ST18: variants seen among roughly 807,000 people sequenced by gnomAD.
The protein encoded by ST18 is suppression of tumorigenicity 18 protein.
In ST18, 50 loss-of-function variants were observed where a neutral mutation model predicts 110.0. The ratio of observed to expected loss-of-function variants is 0.45; its 90% CI spans 0.36 to 0.58. The LOEUF is 0.58. ST18 is among the 20% of genes least tolerant of loss of function. The pLI, the probability that ST18 is intolerant of heterozygous loss-of-function variation, is 0.00. For synonymous variants in ST18, 461 were observed against 452.4 expected (o/e 1.02, Z -0.24); for missense variants, 1,306 against 1,280.1 (o/e 1.02, Z -0.31).
intron 8 of ST18, among the ~76,000 whole-genome samples, chr8:52,191,183 A>G (rs1394646894): frequency 1.3e-5 from 2 of 152,214 alleles, no homozygotes; most frequent in Admixed American, 1.3e-4. Flanking sequence ...GTTTAGAGGT[A>G]TCTGTGCTCA....
chr8:52,224,509 C>G (rs2088440709), intron 3 of ST18, among the ~76,000 whole-genome samples: 1 of 152,118 alleles, frequency 6.6e-6, no homozygotes, highest in South Asian at 2.1e-4. Flanking sequence ...CAAAGACAAA[C>G]ACTCTTCATT....
At position 52,171,885 on chromosome 8, in the gene ST18, C is replaced by T. The variant is rs1385298422; in HGVS notation, c.976G>A (p.Glu326Lys). Reference protein sequence around the residue: ...RGCVFHNTYKELDRFLLEHLA... With the variant: ...RGCVFHNTYKKLDRFLLEHLA... ...TGCTCCAGCAGGAACCTATCCAGCT[C>T]TTTGTAGGTGTTATGGAAAACACAA... The change falls in exon 10 of 26, where the codon GAG becomes AAG. Residue 326 changes from glutamate (E) to lysine (K), a missense_variant. Glu to Lys is a moderately conservative substitution (Grantham distance 56). Transcript: ENST00000689386. 2.5e-6 allele frequency: 4 copies of T among 1,614,104 alleles called. No individual in the cohort carries two copies. The highest frequency in any genetic ancestry group is 2.7e-5 in the African/African-American group (2 of 74,932).
chr8:52,330,751 C>T (rs1808893363), intron 2 of ST18, among the ~76,000 whole-genome samples: 3 of 152,202 alleles, frequency 2.0e-5, no homozygotes, highest in Admixed American at 1.3e-4. Context: ...CTTTACCTTA[C>T]GTGAACACTG....
chr8:52,342,315 C>A (rs1342301571), intron 2 of ST18, among the ~76,000 whole-genome samples: 1 of 151,742 alleles, frequency 6.6e-6, no homozygotes, highest in Admixed American at 6.6e-5. Context: ...AAAAATGAAG[C>A]CAAAAGAAAG....
chr8:52,374,021 C>A lies in ST18; in HGVS notation c.-465+35307G>T, dbSNP rs138051995. Among the ~76,000 whole-genome samples, 175 of 152,248 alleles carry A rather than the reference C, an allele frequency of 1.1e-3. 4 individuals carry two copies. In the East Asian group the frequency reaches 0.031, roughly 27 times the overall value. ...CAATTCTCTAATACCTCCTTGCCTG[C>A]CTCTCTCTCAGTGGACTGTCTTGCT... On this transcript the variant is annotated intron_variant, in intron 2 of 25. Coordinates refer to ENST00000689386, the MANE Select transcript of ST18 (RefSeq NM_001352837.2).
At chr8:52,129,133 G>A (rs988019112) in intron 22 of ST18, among the ~76,000 whole-genome samples, 1 of 152,098 alleles carries the variant, frequency 6.6e-6, no homozygotes, top group African/African-American at 2.4e-5. Context: ...CCTACTGCGT[G>A]CCAGGCATAA....
chr8:52,171,533 A>G (rs1453489776), intron 10 of ST18: 2 of 561,656 alleles, frequency 3.6e-6, no homozygotes, highest in Non-Finnish European at 6.6e-6. Context: ...GCATTTATAA[A>G]AAACAGTTAA....
intron 2 of ST18, among the ~76,000 whole-genome samples, chr8:52,391,663 C>A (rs1316998940): frequency 2.0e-5 from 3 of 152,182 alleles, no homozygotes; most frequent in Non-Finnish European, 4.4e-5. Flanking sequence ...AATAGACTGT[C>A]CCCTATAGCC....
intron 8 of ST18, among the ~76,000 whole-genome samples, chr8:52,209,211 A>G (rs1441069541): frequency 6.6e-6 from 1 of 152,192 alleles, no homozygotes; most frequent in African/African-American, 2.4e-5. Flanking sequence ...TGCTTAAATC[A>G]CTTTTTGGTT....
At position 52,161,506 on chromosome 8, in the gene ST18, G is replaced by A. The variant is rs1455297952; in HGVS notation, c.1463C>T (p.Ala488Val). 1 of 1,614,208 alleles carries A rather than the reference G, an allele frequency of 6.2e-7. No homozygotes were observed. Among genetic ancestry groups the A allele is most frequent in the Admixed American group, 1.7e-5 (1 of 60,024 alleles). ...CTTCTCTTGTTCTTTTGACACTGTG[G>A]CTCTGGGAGAGGTGATGGCTTGTGA... ...FPSQAITSPRATVSKEQEKFG... is the reference protein window; with the variant it reads ...FPSQAITSPRVTVSKEQEKFG... Residue 488 changes from alanine to valine, a missense_variant, in exon 14 of 26, where the codon GCC becomes GTC. By Grantham distance (64) the Ala-to-Val change is moderately conservative (BLOSUM62 0). Coordinates refer to ENST00000689386, the MANE Select transcript of ST18 (RefSeq NM_001352837.2).
intron 19 of ST18, 24 bp downstream of exon 19, chr8:52,136,566 G>A (rs2052429099): frequency 1.2e-6 from 2 of 1,600,894 alleles, no homozygotes; most frequent in Admixed American, 1.7e-5. Context: ...TGAAGGGCAA[G>A]CCGGCCACGC....
chr8:52,279,298 G>T (rs2095331293), intron 2 of ST18, among the ~76,000 whole-genome samples: 1 of 152,092 alleles, frequency 6.6e-6, no homozygotes, highest in Non-Finnish European at 1.5e-5. Flanking sequence ...CTTGGTATGT[G>T]TACCTAACAG....
intron 2 of ST18, among the ~76,000 whole-genome samples, chr8:52,354,808 G>A (rs1821946979): frequency 6.6e-6 from 1 of 152,188 alleles, no homozygotes; most frequent in Non-Finnish European, 1.5e-5. Context: ...GCTTTAGACT[G>A]GCCAAGACAG....
At chr8:52,226,700 A>G (rs1363479814) in intron 3 of ST18, among the ~76,000 whole-genome samples, 1 of 152,232 alleles carries the variant, frequency 6.6e-6, no homozygotes. Flanking sequence ...TTGTGTTGCA[A>G]CTAAATGTGC....
At chr8:52,321,597 G>GC (rs1368483857) in intron 2 of ST18, among the ~76,000 whole-genome samples, 1 of 152,172 alleles carries the variant, frequency 6.6e-6, no homozygotes, top group Non-Finnish European at 1.5e-5. Flanking sequence ...AAGGAGAACA[G>GC]CCCGTTGCCT....
At chr8:52,351,055 C>T (rs1021541706) in intron 2 of ST18, among the ~76,000 whole-genome samples, 12 of 152,000 alleles carry the variant, frequency 7.9e-5, no homozygotes, top group Non-Finnish European at 1.3e-4. Flanking sequence ...TAAATATTAG[C>T]GTATTAATAA....
chr8:52,176,602 G>A (rs1307613287), intron 9 of ST18, among the ~76,000 whole-genome samples: 1 of 152,116 alleles, frequency 6.6e-6, no homozygotes, highest in Non-Finnish European at 1.5e-5. Context: ...GATTTCTAGA[G>A]TAAAAAGTAA....
chr8:52,143,719 G>A (rs62500997), intron 16 of ST18, among the ~76,000 whole-genome samples: 1 of 152,096 alleles, frequency 6.6e-6, no homozygotes, highest in Non-Finnish European at 1.5e-5. Context: ...CACAGGAATT[G>A]TTTATATGTC....
chr8:52,328,039 T>C (rs1030446961), intron 2 of ST18, among the ~76,000 whole-genome samples: 3 of 152,218 alleles, frequency 2.0e-5, no homozygotes, highest in Admixed American at 6.5e-5. Flanking sequence ...AACATGAGAA[T>C]AATCTTAACT....
Sources: gnomAD v4.1 joint callset for allele counts (sites outside exome capture counted in the v4.1 genomes callset) on GRCh38, gnomAD v4.1.1 for gene constraint, MANE v1.5 for transcripts, NCBI Gene and HGNC (gene_info 2026-07-23, HGNC 2026-07-21) for gene names.